SLC8A3: variants seen among roughly 807,000 people sequenced by gnomAD.
The protein encoded by SLC8A3 is solute carrier family 8 member A3, also known as sodium/calcium exchanger 3.
Under a neutral mutation model 65.4 loss-of-function variants are expected in SLC8A3, and 37 were observed. That is an observed-to-expected ratio of 0.57 (90% CI 0.44 to 0.74). The LOEUF (loss-of-function observed/expected upper bound fraction) is 0.74, where lower values mean the gene tolerates loss of function less well. Ranked by LOEUF, SLC8A3 falls within the 30% of genes least tolerant of loss-of-function variation. The pLI is 0.00. For synonymous variants in SLC8A3, 461 were observed against 444.5 expected, an observed-to-expected ratio of 1.04 and a Z score of -0.47; for missense variants, 1,112 against 1,172.1, an observed-to-expected ratio of 0.95 and a Z score of 0.75.
intron 2 of SLC8A3, among the ~76,000 whole-genome samples, chr14:70,071,873 A>C (rs982829216): frequency 6.6e-6 from 1 of 152,218 alleles, no homozygotes; most frequent in African/African-American, 2.4e-5. Context: ...TACACCATCT[A>C]TTTTGTGAAC....
At chr14:70,105,872 C>A (rs1892835117) in intron 2 of SLC8A3, among the ~76,000 whole-genome samples, 1 of 152,018 alleles carries the variant, frequency 6.6e-6, no homozygotes, top group African/African-American at 2.4e-5. Context: ...CAGAAGCATA[C>A]AAAAAGGATA....
chr14:70,180,064 G>A (rs1329235960), intron 1 of SLC8A3, among the ~76,000 whole-genome samples: 1 of 152,126 alleles, frequency 6.6e-6, no homozygotes, highest in East Asian at 1.9e-4. Context: ...GCAGCCTGAG[G>A]CCGACATCGT....
intron 2 of SLC8A3, among the ~76,000 whole-genome samples, chr14:70,145,202 T>C (rs1223657594): frequency 3.3e-5 from 5 of 152,248 alleles, no homozygotes; most frequent in African/African-American, 1.2e-4. Context: ...TCAATTTCTT[T>C]TTTGGCTATT....
intron 2 of SLC8A3, chr14:70,063,823 C>A (rs1889092175): frequency 7.7e-6 from 12 of 1,568,546 alleles, no homozygotes; most frequent in East Asian, 2.2e-5. Context: ...GGTACTACAC[C>A]TTTCTGAAAA....
chr14:70,141,120 T>C (rs1263140846), intron 2 of SLC8A3, among the ~76,000 whole-genome samples: 2 of 152,226 alleles, frequency 1.3e-5, no homozygotes, highest in Admixed American at 6.5e-5. Context: ...TTGTCAGGCA[T>C]GGTGCCAAGT....
intron 3 of SLC8A3, among the ~76,000 whole-genome samples, chr14:70,059,658 G>T (rs564886974): frequency 1.6e-3 from 238 of 152,296 alleles, no homozygotes; most frequent in African/African-American, 5.5e-3. Flanking sequence ...AGGTCCTGAG[G>T]AAAGCAGGAG....
At chr14:70,174,668 T>G (rs952474816) in intron 1 of SLC8A3, among the ~76,000 whole-genome samples, 26 of 111,080 alleles carry the variant, frequency 2.3e-4, no homozygotes, top group Admixed American at 4.4e-4. Context: ...TTTTGTTTTT[T>G]TTTTTTTTTT....
intron 3 of SLC8A3, among the ~76,000 whole-genome samples, chr14:70,058,219 C>G (rs1888382142): frequency 6.6e-6 from 1 of 152,114 alleles, no homozygotes; most frequent in Non-Finnish European, 1.5e-5. Flanking sequence ...TCAGACTCTC[C>G]CATGCAGTAG....
intron 2 of SLC8A3, among the ~76,000 whole-genome samples, chr14:70,153,750 G>A (rs1262240335): frequency 6.6e-6 from 1 of 152,168 alleles, no homozygotes; most frequent in East Asian, 1.9e-4. Flanking sequence ...TGGTCAACAG[G>A]GCTGGCATAG....
intron 2 of SLC8A3, among the ~76,000 whole-genome samples, chr14:70,148,055 ATACTT>A (rs1896044197): frequency 1.3e-5 from 2 of 152,338 alleles, no homozygotes; most frequent in African/African-American, 4.8e-5. Flanking sequence ...AGTAGAAACT[ATACTT>A]TGAGTATCCA....
chr14:70,055,922 G>T, intron 3 of SLC8A3: 1 of 978,518 alleles, frequency 1.0e-6, no homozygotes, highest in Non-Finnish European at 1.6e-6. Context: ...CATAAGGAAA[G>T]CAGAGAGCTT....
intron 2 of SLC8A3, among the ~76,000 whole-genome samples, chr14:70,063,200 G>A (rs2139847984): frequency 6.6e-6 from 1 of 152,342 alleles, no homozygotes. Flanking sequence ...ATTTGACCTA[G>A]ATCTGGAACT....
intron 2 of SLC8A3, among the ~76,000 whole-genome samples, chr14:70,086,524 C>T (rs1371658900): frequency 6.6e-6 from 1 of 151,614 alleles, no homozygotes; most frequent in African/African-American, 2.4e-5. Flanking sequence ...GCCTCAGCCT[C>T]CCGAGTAGCT....
At position 70,051,818 on chromosome 14, in the gene SLC8A3, G is replaced by T. The variant is rs554724510; in HGVS notation, c.2013+172C>A. 2.6e-5 allele frequency among the ~76,000 whole-genome samples: 4 copies of T among 152,242 alleles called. No individual in the cohort carries two copies. In the East Asian group the frequency reaches 7.7e-4, roughly 29 times the overall value. Reference sequence around the variant, plus strand: ...AATATTCCTAGCATACAAATGGTCAGCACTATTTGTTTCATGTTACAAATG... The same window carrying T: ...AATATTCCTAGCATACAAATGGTCATCACTATTTGTTTCATGTTACAAATG... On this transcript the variant is annotated intron_variant, in intron 4 of 6. Transcript: ENST00000356921.
At chr14:70,138,261 T>C (rs1373716824) in intron 2 of SLC8A3, among the ~76,000 whole-genome samples, 1 of 152,154 alleles carries the variant, frequency 6.6e-6, no homozygotes, top group African/African-American at 2.4e-5. Context: ...GGACTTTCGA[T>C]AACTAGAATG....
At chr14:70,128,087 C>T (rs1894593963) in intron 2 of SLC8A3, among the ~76,000 whole-genome samples, 1 of 152,086 alleles carries the variant, frequency 6.6e-6, no homozygotes, top group South Asian at 2.1e-4. Flanking sequence ...TTTTGGATTC[C>T]CCATCTTACT....
chr14:70,127,484 A>G (rs560343667), intron 2 of SLC8A3, among the ~76,000 whole-genome samples: 2 of 152,000 alleles, frequency 1.3e-5, no homozygotes, highest in Non-Finnish European at 2.9e-5. Context: ...TTTTCTTCCT[A>G]TAAGTGTGGT....
chr14:70,060,442 A>G (rs1888657289), intron 3 of SLC8A3, among the ~76,000 whole-genome samples: 1 of 152,114 alleles, frequency 6.6e-6, no homozygotes, highest in South Asian at 2.1e-4. Context: ...CCACCAAGGA[A>G]TTTTCACATT....
At chr14:70,097,970 C>T (rs1359939419) in intron 2 of SLC8A3, among the ~76,000 whole-genome samples, 1 of 152,202 alleles carries the variant, frequency 6.6e-6, no homozygotes, top group Non-Finnish European at 1.5e-5. Flanking sequence ...TTAGTGTTGT[C>T]CTCTCTTTCC....
Sources: gnomAD v4.1 joint callset for allele counts (sites outside exome capture counted in the v4.1 genomes callset) on GRCh38, gnomAD v4.1.1 for gene constraint, MANE v1.5 for transcripts, NCBI Gene and HGNC (gene_info 2026-07-23, HGNC 2026-07-21) for gene names.